Variants in EPHA3 observed in about 807,000 individuals in gnomAD.
The protein encoded by EPHA3 is ephrin type-A receptor 3.
In EPHA3, 42 loss-of-function variants were observed where a neutral mutation model predicts 107.1. That is an observed-to-expected ratio of 0.39 (90% CI 0.31 to 0.51). EPHA3 has a LOEUF of 0.51. EPHA3 is among the 20% of genes least tolerant of loss of function. EPHA3 has a pLI of 0.78. For synonymous variants in EPHA3, 461 were observed against 424.8 expected (o/e 1.09, Z -1.05); for missense variants, 1,183 against 1,211.2 (o/e 0.98, Z 0.35).
chr3:89,274,268 T>C (rs1189758026), intron 3 of EPHA3, among the ~76,000 whole-genome samples: 1 of 151,978 alleles, frequency 6.6e-6, no homozygotes, highest in Admixed American at 6.6e-5. Flanking sequence ...TATGCTGTGC[T>C]TTAAATTTAT....
chr3:89,246,166 C>T (rs1298991598), intron 3 of EPHA3, among the ~76,000 whole-genome samples: 3 of 152,204 alleles, frequency 2.0e-5, no homozygotes, highest in East Asian at 1.9e-4. Flanking sequence ...ATGCCACCTT[C>T]TGCATTTTAG....
chr3:89,408,964 T>C (rs749673829), intron 9 of EPHA3, among the ~76,000 whole-genome samples: 30 of 152,132 alleles, frequency 2.0e-4, no homozygotes, highest in Non-Finnish European at 3.8e-4. Context: ...ATTGACATGA[T>C]ACTTTGTATC....
intron 2 of EPHA3, among the ~76,000 whole-genome samples, chr3:89,205,609 C>T (rs1706081091): frequency 6.6e-6 from 1 of 152,062 alleles, no homozygotes; most frequent in Non-Finnish European, 1.5e-5. Context: ...GGAAGCTAGG[C>T]TAAATATCAG....
intron 3 of EPHA3, among the ~76,000 whole-genome samples, chr3:89,244,068 A>G (rs1704974602): frequency 6.6e-6 from 1 of 152,164 alleles, no homozygotes; most frequent in Non-Finnish European, 1.5e-5. Flanking sequence ...TTGATTATTT[A>G]AAAATATGAA....
intron 13 of EPHA3, among the ~76,000 whole-genome samples, chr3:89,432,652 T>C (rs1176311454): frequency 6.6e-6 from 1 of 152,196 alleles, no homozygotes; most frequent in African/African-American, 2.4e-5. Flanking sequence ...AAATGTCTAA[T>C]AATCATTACT....
chr3:89,151,402 T>G (rs181170326), intron 2 of EPHA3, among the ~76,000 whole-genome samples: 3 of 152,144 alleles, frequency 2.0e-5, no homozygotes, highest in Admixed American at 6.6e-5. Flanking sequence ...TGAAGGGACA[T>G]AAGTAGGGGT....
intron 3 of EPHA3, among the ~76,000 whole-genome samples, chr3:89,279,774 T>C (rs533123730): frequency 1.3e-5 from 2 of 152,284 alleles, no homozygotes; most frequent in East Asian, 1.9e-4. Context: ...CAGTCCTCCT[T>C]GCTAAGTAGT....
intron 13 of EPHA3, among the ~76,000 whole-genome samples, chr3:89,441,520 T>C (rs1416483183): frequency 6.6e-6 from 1 of 152,192 alleles, no homozygotes; most frequent in East Asian, 1.9e-4. Context: ...TCATAAATAA[T>C]TGTTATAGTG....
intron 2 of EPHA3, among the ~76,000 whole-genome samples, chr3:89,204,480 CCA>C (rs57892338): frequency 0.2 from 30,085 of 149,754 alleles, 3,043 homozygotes; most frequent in East Asian, 0.29. Flanking sequence ...ATTTGACACA[CCA>C]CACACACACA....
Position 89,354,472 on chromosome 3 carries a change from G to GA in EPHA3, c.1306+12392dup, listed in dbSNP as rs576081940. Among the ~76,000 whole-genome samples, 59 of 144,586 alleles carry GA rather than the reference G, an allele frequency of 4.1e-4. 2 individuals are homozygous for GA. The highest frequency in any genetic ancestry group is 5.1e-4 in the Non-Finnish European group (33 of 65,238). 94.9% of individuals were successfully genotyped at this position (144,586 alleles called of 152,430 possible). ...TCAATATAGTACCAGTGTTCAAATA[G>GA]AAAAAAAAAATACATCCCTTTCTTA... is the stretch of plus-strand genomic sequence containing the variant. On this transcript the variant is annotated intron_variant, in intron 5 of 16. Coordinates refer to ENST00000336596, the MANE Select transcript of EPHA3 (RefSeq NM_005233.6).
chr3:89,240,731 A>G (rs1161114274), intron 3 of EPHA3, among the ~76,000 whole-genome samples: 2 of 152,040 alleles, frequency 1.3e-5, no homozygotes, highest in Admixed American at 1.3e-4. Context: ...TAACTAAACT[A>G]TAGAAAAATA....
At chr3:89,182,096 C>T (rs1351891695) in intron 2 of EPHA3, among the ~76,000 whole-genome samples, 3 of 151,128 alleles carry the variant, frequency 2.0e-5, no homozygotes, top group Non-Finnish European at 4.4e-5. Flanking sequence ...TTTATTTTTC[C>T]CCTTTATCCT....
intron 3 of EPHA3, among the ~76,000 whole-genome samples, chr3:89,315,467 T>C (rs528625989): frequency 1.3e-5 from 2 of 151,976 alleles, no homozygotes; most frequent in South Asian, 4.1e-4. Flanking sequence ...CTGTGGATGA[T>C]AGCGATTCAT....
At chr3:89,115,246 C>CTT (rs138492059) in intron 1 of EPHA3, among the ~76,000 whole-genome samples, 7 of 146,904 alleles carry the variant, frequency 4.8e-5, no homozygotes, top group Middle Eastern at 3.5e-3. Context: ...TGAAGAATAT[C>CTT]TTTTTTTTTT....
At chr3:89,136,044 G>A (rs1037632316) in intron 2 of EPHA3, among the ~76,000 whole-genome samples, 34 of 152,022 alleles carry the variant, frequency 2.2e-4, no homozygotes, top group African/African-American at 7.5e-4. Context: ...TCTAGCTTTC[G>A]CTTTGTGAAT....
chr3:89,428,003 G>C lies in EPHA3; in HGVS notation c.2075-1103G>C, dbSNP rs374465146. ...TTTCAGCTTTGTATAATATTACGCT[G>C]TAACAATTGTCTAAAGTGCTTAAGT... is the stretch of plus-strand genomic sequence containing the variant. On this transcript the variant is annotated intron_variant, in intron 11 of 16. Transcript: ENST00000336596. Among the ~76,000 whole-genome samples, 10 of 151,866 alleles carry C rather than the reference G, an allele frequency of 6.6e-5. No individual in the cohort carries two copies. The East Asian group carries it at 7.7e-4, about 12-fold the overall frequency.
chr3:89,239,484 C>T (rs887851509), intron 3 of EPHA3, among the ~76,000 whole-genome samples: 3 of 152,038 alleles, frequency 2.0e-5, no homozygotes, highest in African/African-American at 7.2e-5. Context: ...TATCTTGCTG[C>T]TGGTGCTGTA....
chr3:89,196,342 A>G (rs1298953912), intron 2 of EPHA3, among the ~76,000 whole-genome samples: 3 of 152,124 alleles, frequency 2.0e-5, no homozygotes, highest in Non-Finnish European at 4.4e-5. Flanking sequence ...ACATAACACT[A>G]TGTAAGAAAA....
At chr3:89,367,827 A>AG (rs1410829708) in intron 5 of EPHA3, among the ~76,000 whole-genome samples, 2 of 150,642 alleles carry the variant, frequency 1.3e-5, no homozygotes. Flanking sequence ...ATTTTTCTCT[A>AG]ATTCTTCTCA....
Sources: gnomAD v4.1 joint callset for allele counts (sites outside exome capture counted in the v4.1 genomes callset) on GRCh38, gnomAD v4.1.1 for gene constraint, MANE v1.5 for transcripts, NCBI Gene and HGNC (gene_info 2026-07-23, HGNC 2026-07-21) for gene names.